WWOX: variants seen among roughly 807,000 people sequenced by gnomAD.
The protein encoded by WWOX is WW domain-containing oxidoreductase.
WWOX carries 69 observed loss-of-function variants against 46.2 expected under a neutral mutation model. The observed-to-expected ratio is 1.49, with a 90% confidence interval of 1.23 to 1.82. The LOEUF (loss-of-function observed/expected upper bound fraction) is 1.82, where lower values mean the gene tolerates loss of function less well. Ranked by LOEUF, WWOX falls within the 40% of genes most tolerant of loss-of-function variation. The pLI is 0.00. For missense variants in WWOX, 919 were observed against 542.6 expected (o/e 1.69, Z -6.89); for synonymous variants, 359 against 202.6 (o/e 1.77, Z -6.56).
chr16:78,186,061 AG>A (rs2035692042), intron 5 of WWOX, among the ~76,000 whole-genome samples: 1 of 152,204 alleles, frequency 6.6e-6, no homozygotes, highest in Non-Finnish European at 1.5e-5. Flanking sequence ...AGTGCTTGAA[AG>A]GTAGTTAGTC....
chr16:78,390,079 G>C (rs1266118318), intron 6 of WWOX, among the ~76,000 whole-genome samples: 1 of 152,234 alleles, frequency 6.6e-6, no homozygotes, highest in Non-Finnish European at 1.5e-5. Flanking sequence ...AACAGACTCA[G>C]AGAATGTGAG....
intron 8 of WWOX, among the ~76,000 whole-genome samples, chr16:79,151,870 A>G (rs191347889): frequency 4.7e-4 from 71 of 152,214 alleles, no homozygotes; most frequent in Non-Finnish European, 8.7e-4. Flanking sequence ...CTTTTCTTTG[A>G]CTGGGGACTT....
At chr16:78,912,866 G>T (rs773682329) in intron 8 of WWOX, among the ~76,000 whole-genome samples, 1 of 152,014 alleles carries the variant, frequency 6.6e-6, no homozygotes, top group East Asian at 1.9e-4. Flanking sequence ...GTTAGATGCC[G>T]TATCTTTAAA....
chr16:78,935,167 C>G (rs1004534986), intron 8 of WWOX, among the ~76,000 whole-genome samples: 1 of 152,118 alleles, frequency 6.6e-6, no homozygotes, highest in African/African-American at 2.4e-5. Flanking sequence ...GACTGTAAAC[C>G]AGTTCAACCA....
chr16:78,576,764 C>T (rs1489664226), intron 8 of WWOX, among the ~76,000 whole-genome samples: 2 of 152,168 alleles, frequency 1.3e-5, no homozygotes, highest in Non-Finnish European at 2.9e-5. Context: ...CCAGAAGATT[C>T]AGACTGCAAT....
chr16:78,149,348 G>C (rs1471025348), intron 4 of WWOX, among the ~76,000 whole-genome samples: 1 of 152,206 alleles, frequency 6.6e-6, no homozygotes, highest in East Asian at 1.9e-4. Flanking sequence ...GAAGAACATA[G>C]AGAGAAACTT....
At chr16:79,095,383 AT>A (rs2049047447) in intron 8 of WWOX, among the ~76,000 whole-genome samples, 1 of 152,042 alleles carries the variant, frequency 6.6e-6, no homozygotes, top group African/African-American at 2.4e-5. Context: ...AATTATTCTT[AT>A]TTTCAGAATG....
intron 8 of WWOX, among the ~76,000 whole-genome samples, chr16:78,653,958 CTTACAAA>C (rs2047023575): frequency 6.6e-6 from 1 of 152,192 alleles, no homozygotes; most frequent in African/African-American, 2.4e-5. Flanking sequence ...TGCAGATATT[CTTACAAA>C]AGGCAAAGCA....
intron 8 of WWOX, among the ~76,000 whole-genome samples, chr16:78,851,674 G>A (rs912951009): frequency 7.2e-5 from 11 of 152,272 alleles, no homozygotes; most frequent in Middle Eastern, 3.4e-3. Flanking sequence ...GAGGCAATAC[G>A]TTTCAAAATA....
intron 8 of WWOX, among the ~76,000 whole-genome samples, chr16:78,807,831 A>G (rs776283201): frequency 1.1e-4 from 16 of 152,246 alleles, no homozygotes; most frequent in Non-Finnish European, 8.8e-5. Context: ...TTAAAGTTGT[A>G]TAACATTTGT....
chr16:78,552,436 G>A (rs1302411881), intron 8 of WWOX: 1 of 152,182 alleles, frequency 6.6e-6, no homozygotes, highest in African/African-American at 2.4e-5. Flanking sequence ...ATACAGTTTT[G>A]TAATCCAGCT....
chr16:79,179,912 G>A (rs1228679057), intron 8 of WWOX, among the ~76,000 whole-genome samples: 1 of 152,196 alleles, frequency 6.6e-6, no homozygotes, highest in Non-Finnish European at 1.5e-5. Context: ...CAGCATAGAT[G>A]TGAAGTGACT....
chr16:78,506,139 G>A (rs898730070), intron 8 of WWOX, among the ~76,000 whole-genome samples: 8 of 152,200 alleles, frequency 5.3e-5, no homozygotes, highest in Non-Finnish European at 1.2e-4. Flanking sequence ...GAGTTTTTTG[G>A]GTAGTGACTT....
intron 8 of WWOX, among the ~76,000 whole-genome samples, chr16:78,698,194 C>T (rs1418508901): frequency 6.6e-6 from 1 of 152,142 alleles, no homozygotes; most frequent in Non-Finnish European, 1.5e-5. Flanking sequence ...ACATTCTGAA[C>T]AAGGTCAGAC....
At chr16:78,818,554 G>A (rs186867791) in intron 8 of WWOX, among the ~76,000 whole-genome samples, 225 of 152,282 alleles carry the variant, frequency 1.5e-3, no homozygotes, top group African/African-American at 5.2e-3. Flanking sequence ...AACACAGCGA[G>A]ACCCAATCTC....
chr16:78,626,229 T>G (rs1162170261), intron 8 of WWOX, among the ~76,000 whole-genome samples: 1 of 151,964 alleles, frequency 6.6e-6, no homozygotes, highest in African/African-American at 2.4e-5. Context: ...CTCGCAGGTT[T>G]AAGTGATTCT....
At chr16:78,888,245 G>T (rs550164882) in intron 8 of WWOX, among the ~76,000 whole-genome samples, 1 of 152,150 alleles carries the variant, frequency 6.6e-6, no homozygotes. Context: ...TTTGTGCTTT[G>T]CTTCTCCCTT....
chr16:78,980,394 A>G (rs142687708), intron 8 of WWOX, among the ~76,000 whole-genome samples: 1 of 152,308 alleles, frequency 6.6e-6, no homozygotes, highest in African/African-American at 2.4e-5. Context: ...GAATGGTTTT[A>G]GTTCTCTTGG....
At chr16:79,123,946 G>A (rs1004095250) in intron 8 of WWOX, among the ~76,000 whole-genome samples, 2 of 152,104 alleles carry the variant, frequency 1.3e-5, no homozygotes, top group African/African-American at 2.4e-5. Flanking sequence ...AATCATGGGC[G>A]AATTGGTACC....
Sources: gnomAD v4.1 joint callset for allele counts (sites outside exome capture counted in the v4.1 genomes callset) on GRCh38, gnomAD v4.1.1 for gene constraint, MANE v1.5 for transcripts, NCBI Gene and HGNC (gene_info 2026-07-23, HGNC 2026-07-21) for gene names.